Variants in CLPTM1L observed in about 807,000 individuals in gnomAD.
The protein encoded by CLPTM1L is CLPTM1 like.
Under a neutral mutation model 70.9 loss-of-function variants are expected in CLPTM1L, and 38 were observed. The ratio of observed to expected loss-of-function variants is 0.54; its 90% CI spans 0.41 to 0.70. CLPTM1L has a LOEUF of 0.70. Ranked by LOEUF, CLPTM1L falls within the 30% of genes least tolerant of loss-of-function variation. CLPTM1L has a pLI of 0.00. For missense variants in CLPTM1L, 652 were observed against 705.9 expected (o/e 0.92, Z 0.87); for synonymous variants, 339 against 299.9 (o/e 1.13, Z -1.35).
chr5:1,330,270 C>A lies in CLPTM1L; in HGVS notation c.1080+10G>T, dbSNP rs201803693. 1 of 1,611,156 alleles carries A rather than the reference C, an allele frequency of 6.2e-7. No homozygotes were observed. The highest frequency in any genetic ancestry group is 1.3e-5 in the African/African-American group (1 of 74,890). ...ACCTCAGACAGTTCAGGTCACTGCCCGGAACTCACCTCAATGGCGGCTCCA... is the reference window on the plus strand; with the variant it reads ...ACCTCAGACAGTTCAGGTCACTGCCAGGAACTCACCTCAATGGCGGCTCCA... On this transcript the variant is annotated intron_variant, in intron 9 of 16. Transcript: ENST00000320895.
chr5:1,327,356 C>T (rs1444091816), intron 9 of CLPTM1L, among the ~76,000 whole-genome samples: 1 of 148,612 alleles, frequency 6.7e-6, no homozygotes, highest in Non-Finnish European at 1.5e-5. Flanking sequence ...CCATCCAGCT[C>T]CTCCTCTACA....
At chr5:1,327,156 C>G in intron 9 of CLPTM1L, among the ~76,000 whole-genome samples, 1 of 150,932 alleles carries the variant, frequency 6.6e-6, no homozygotes, top group Admixed American at 6.6e-5. Context: ...TCCAGCTCCT[C>G]CTCTACAGGC....
intron 8 of CLPTM1L, 140 bp downstream of exon 8, chr5:1,331,659 T>G (rs1332506439): frequency 4.2e-6 from 3 of 707,068 alleles, no homozygotes; most frequent in Middle Eastern, 7.9e-4. Flanking sequence ...CGGTGCCTGG[T>G]CTCAGAGGCT....
chr5:1,320,258 G>A (rs967759950), intron 16 of CLPTM1L: 34 of 177,512 alleles, frequency 1.9e-4, no homozygotes, highest in Middle Eastern at 2.3e-3. Flanking sequence ...CGAGGCTAGC[G>A]CCAAGTATGG....
chr5:1,322,850 C>A, intron 13 of CLPTM1L, 27 bp downstream of exon 13: 1 of 1,610,822 alleles, frequency 6.2e-7, no homozygotes, highest in Non-Finnish European at 8.5e-7. Flanking sequence ...AACACTAGTA[C>A]TGAAGCAGGG....
At chr5:1,324,079 G>C in intron 11 of CLPTM1L, 1 of 572,752 alleles carries the variant, frequency 1.7e-6, no homozygotes, top group Non-Finnish European at 3.1e-6. Context: ...GCCAGAGCCC[G>C]GGTGTAACTA....
At chr5:1,331,723 G>C in intron 8 of CLPTM1L, 76 bp downstream of exon 8, 1 of 1,271,998 alleles carries the variant, frequency 7.9e-7, no homozygotes, top group Non-Finnish European at 1.1e-6. Flanking sequence ...CAGTGAGGCA[G>C]GCAGCCCTCT....
At chr5:1,323,658 C>T in intron 12 of CLPTM1L, 129 bp downstream of exon 12, 1 of 695,610 alleles carries the variant, frequency 1.4e-6, no homozygotes, top group Non-Finnish European at 2.5e-6. Context: ...GGGCAGGACC[C>T]CTCCCAGGCG....
intron 9 of CLPTM1L, chr5:1,326,060 C>G: frequency 1.9e-6 from 1 of 531,514 alleles, no homozygotes; most frequent in Non-Finnish European, 3.3e-6. Flanking sequence ...ACAACAAAAA[C>G]AGCATGTGAG....
intron 13 of CLPTM1L, 41 bp from the exon 14 acceptor site, chr5:1,321,860 G>A (rs752484513): frequency 2.8e-5 from 45 of 1,583,720 alleles, no homozygotes; most frequent in Admixed American, 1.2e-4. Context: ...GCGGAGGGCC[G>A]GGCTGCCACA....
intron 9 of CLPTM1L, chr5:1,326,245 G>A: frequency 4.0e-6 from 1 of 249,156 alleles, no homozygotes; most frequent in Non-Finnish European, 7.8e-6. Flanking sequence ...GCCGGGCACG[G>A]CACTGTGACT....
intron 5 of CLPTM1L, among the ~76,000 whole-genome samples, chr5:1,337,214 A>G (rs1253082230): frequency 2.0e-5 from 3 of 152,260 alleles, no homozygotes; most frequent in African/African-American, 7.2e-5. Flanking sequence ...ACAATTACGG[A>G]AAGATTCACA....
rs1406492820 is a variant in CLPTM1L at position 1,342,248 on chromosome 5, T to A, written c.264-388A>T. On this transcript the variant is annotated intron_variant, in intron 2 of 16. Coordinates refer to ENST00000320895, the MANE Select transcript of CLPTM1L (RefSeq NM_030782.5). The surrounding 1 kb of genome is among the most constrained non-coding windows in gnomAD (Gnocchi z 4.3). ...GACCACACACACTGAATCACCCAAC[T>A]CCGAAGCGACAGAAGGGAAGGGCAG... Among the ~76,000 whole-genome samples, 1 of 151,934 alleles carries A rather than the reference T, an allele frequency of 6.6e-6. No individual in the cohort carries two copies. The highest frequency in any genetic ancestry group is 1.5e-5 in the Non-Finnish European group (1 of 67,972).
chr5:1,336,343 T>G (rs1753577763), intron 5 of CLPTM1L, among the ~76,000 whole-genome samples: 1 of 152,164 alleles, frequency 6.6e-6, no homozygotes, highest in Non-Finnish European at 1.5e-5. Flanking sequence ...AGACTGTGAT[T>G]TGGGGGAAAA....
chr5:1,341,680 A>T lies in CLPTM1L; in HGVS notation c.444T>A (p.Ser148=), dbSNP rs1412023930. 3 of 1,606,742 alleles carry T rather than the reference A, an allele frequency of 1.9e-6. No individual in the cohort carries two copies. In the East Asian group the frequency reaches 6.7e-5, roughly 36 times the overall value. Residue 148 remains serine (S), a synonymous_variant, in exon 3 of 17, where the codon TCT becomes TCA. Coordinates refer to ENST00000320895, the MANE Select transcript of CLPTM1L (RefSeq NM_030782.5). ...CCATGAAGACCCTCACCTGTGTATC[A>T]GACTCCCCGGTGAGCAGGTTGATTT... ...PEEINLLTGE[S]DTQQIEAEKK...
chr5:1,330,485 GC>G, intron 8 of CLPTM1L, 102 bp from the exon 9 acceptor site: 1 of 849,194 alleles, frequency 1.2e-6, no homozygotes, highest in Non-Finnish European at 1.9e-6. Context: ...AACCCACCAC[GC>G]CCAAGAAGCT....
intron 9 of CLPTM1L, among the ~76,000 whole-genome samples, chr5:1,326,708 C>CCATCCAGCTCCTCCTCTACGGGGACATTT (rs1342235966): frequency 0.019 from 2,600 of 134,494 alleles, 88 homozygotes; most frequent in Non-Finnish European, 0.031. Flanking sequence ...CGGGGACATT[C>CCATCCAGCTCCTCCTCTACGGGGACATTT]CATCCAGCTC....
chr5:1,320,605 G>A lies in CLPTM1L; in HGVS notation c.1532+11C>T. ...ACGGAGCAACGGCCGAGCATACGCA[G>A]CCGCACTCACCACCGCTGGTACAGG... On this transcript the variant is annotated intron_variant, in intron 16 of 16. Transcript: ENST00000320895. 1 of 1,491,052 alleles carries A rather than the reference G, an allele frequency of 6.7e-7. No homozygotes were observed. Among genetic ancestry groups the A allele is most frequent in the East Asian group, 2.5e-5 (1 of 39,362 alleles). 92.4% of individuals were successfully genotyped at this position (1,491,052 alleles called of 1,614,324 possible).
intron 9 of CLPTM1L, among the ~76,000 whole-genome samples, chr5:1,329,054 G>A (rs749264374): frequency 6.6e-6 from 1 of 152,182 alleles, no homozygotes; most frequent in Non-Finnish European, 1.5e-5. Context: ...CCACCCACAG[G>A]TGGGCCACCA....
Sources: allele counts gnomAD v4.1 joint callset (sites outside exome capture counted in the v4.1 genomes callset), GRCh38; gene constraint gnomAD v4.1.1; non-coding constraint Gnocchi (gnomAD v3.1); transcripts MANE v1.5; gene names NCBI Gene and HGNC (gene_info 2026-07-23, HGNC 2026-07-21).